TBXAS1: variants seen among roughly 807,000 people sequenced by gnomAD.
The protein encoded by TBXAS1 is thromboxane-A synthase.
Under a neutral mutation model 60.7 loss-of-function variants are expected in TBXAS1, and 48 were observed. That is an observed-to-expected ratio of 0.79 (90% CI 0.63 to 1.01). TBXAS1 has a LOEUF of 1.01. Ranked by LOEUF, TBXAS1 falls within the 50% of genes least tolerant of loss-of-function variation. The pLI, the probability that TBXAS1 is intolerant of heterozygous loss-of-function variation, is 0.00. For missense variants in TBXAS1, 685 were observed against 686.3 expected (o/e 1.00, Z 0.02); for synonymous variants, 287 against 269.7 (o/e 1.06, Z -0.63).
chr7:139,786,944 G>A (rs1320559015), intron 3 of TBXAS1, among the ~76,000 whole-genome samples: 1 of 152,160 alleles, frequency 6.6e-6, no homozygotes, highest in Non-Finnish European at 1.5e-5. Context: ...AAGTAAACTG[G>A]CTTTGGAACC....
chr7:139,835,225 C>A (rs1798983300), intron 1 of TBXAS1, among the ~76,000 whole-genome samples: 1 of 152,078 alleles, frequency 6.6e-6, no homozygotes, highest in Non-Finnish European at 1.5e-5. Flanking sequence ...CGCCACCACG[C>A]TGGCTAATTT....
At chr7:139,859,154 C>T (rs540161142) in intron 1 of TBXAS1, among the ~76,000 whole-genome samples, 58 of 151,386 alleles carry the variant, frequency 3.8e-4, no homozygotes, top group African/African-American at 1.2e-3. Context: ...GGATTACAGG[C>T]GTGAGCCACC....
chr7:139,848,806 G>A (rs756539200), intron 1 of TBXAS1, among the ~76,000 whole-genome samples: 11 of 152,138 alleles, frequency 7.2e-5, no homozygotes, highest in Non-Finnish European at 1.2e-4. Flanking sequence ...CCACTGTAGC[G>A]GGAGGCACTG....
intron 3 of TBXAS1, among the ~76,000 whole-genome samples, chr7:139,882,487 C>G (rs1244978763): frequency 6.6e-6 from 1 of 152,120 alleles, no homozygotes; most frequent in African/African-American, 2.4e-5. Context: ...AAGAGCTTCC[C>G]AGACACTGAT....
At chr7:139,858,305 G>C (rs1394957274) in intron 1 of TBXAS1, among the ~76,000 whole-genome samples, 2 of 152,128 alleles carry the variant, frequency 1.3e-5, no homozygotes, top group African/African-American at 4.8e-5. Flanking sequence ...CTGGGGATGG[G>C]TCCTTCTTGG....
intron 4 of TBXAS1, among the ~76,000 whole-genome samples, chr7:139,823,407 A>G (rs989146177): frequency 2.0e-5 from 3 of 152,006 alleles, no homozygotes; most frequent in Admixed American, 2.0e-4. Context: ...AGTCCTCCTA[A>G]CCTGATCTCC....
intron 3 of TBXAS1, among the ~76,000 whole-genome samples, chr7:139,910,519 C>T (rs1255822322): frequency 6.6e-6 from 1 of 152,118 alleles, no homozygotes; most frequent in Non-Finnish European, 1.5e-5. Context: ...CGCCTGTAAT[C>T]CCAGCTACTC....
chr7:139,781,074 T>C lies in TBXAS1; in HGVS notation c.-233+250T>C, dbSNP rs183757466. On this transcript the variant is annotated intron_variant, in intron 2 of 16. Coordinates refer to the TBXAS1 transcript ENST00000336425. ...TCTTGGGCAAGGAAATAGAGTCCCA[T>C]GGAAGGGGAACAAGATGGAGCCATA... Among the ~76,000 whole-genome samples, 4 of 152,352 alleles carry C rather than the reference T, an allele frequency of 2.6e-5. No individual in the cohort carries two copies. The East Asian group carries it at 7.7e-4, about 29-fold the overall frequency.
chr7:139,805,731 T>TC (rs1491303783), intron 4 of TBXAS1, among the ~76,000 whole-genome samples: 5,390 of 82,970 alleles, frequency 0.065, 356 homozygotes, highest in East Asian at 0.13. Context: ...TCTCTCTCTC[T>TC]TTCTTTCTTT....
At position 139,875,594 on chromosome 7, in the gene TBXAS1, G is replaced by C; in HGVS notation, c.193G>C (p.Glu65Gln). The C allele has an allele frequency of 6.2e-7, 1 of 1,614,136 alleles. No homozygotes were observed. The highest frequency in any genetic ancestry group is 1.3e-5 in the African/African-American group (1 of 75,016). Residue 65 changes from glutamate to glutamine, a missense_variant, in exon 3 of 13, where the codon GAA (glutamate) becomes CAA (glutamine). Glu to Gln is a conservative substitution (Grantham distance 29). Transcript: ENST00000448866. The part of the protein sequence containing the change: ...NLTFFRQGFW[E>Q]SQMELRKLYG... ...GCTGTGTTTCCTTCAGGGTTTTTGGGAAAGCCAAATGGAGCTCAGAAAGCT... is the reference window on the plus strand; with the variant it reads ...GCTGTGTTTCCTTCAGGGTTTTTGGCAAAGCCAAATGGAGCTCAGAAAGCT...
chr7:139,959,417 T>C (rs1810147661), intron 8 of TBXAS1, among the ~76,000 whole-genome samples: 2 of 152,168 alleles, frequency 1.3e-5, no homozygotes, highest in African/African-American at 4.8e-5. Flanking sequence ...TCTATCAGGG[T>C]GCGTATTTTC....
upstream of TBXAS1, among the ~76,000 whole-genome samples, chr7:139,825,397 C>T (rs1391039043): frequency 1.3e-5 from 2 of 152,148 alleles, no homozygotes; most frequent in Admixed American, 6.5e-5. Context: ...CTCCACTCTG[C>T]GCAGCCACAG....
At chr7:139,784,102 A>T (rs1797097275) in intron 3 of TBXAS1, among the ~76,000 whole-genome samples, 1 of 146,004 alleles carries the variant, frequency 6.8e-6, no homozygotes. Flanking sequence ...TTTGTTTTCA[A>T]TACTCCTAGC....
At chr7:139,850,640 C>T (rs370243223) in intron 1 of TBXAS1, among the ~76,000 whole-genome samples, 9 of 152,224 alleles carry the variant, frequency 5.9e-5, no homozygotes, top group African/African-American at 1.4e-4. Flanking sequence ...GTCTTTACAG[C>T]GGTAATCAAG....
At chr7:140,006,846 A>G (rs1349173167) in intron 9 of TBXAS1, among the ~76,000 whole-genome samples, 1 of 152,172 alleles carries the variant, frequency 6.6e-6, no homozygotes, top group Non-Finnish European at 1.5e-5. Flanking sequence ...CTGCAGTTTT[A>G]TAACCAAACT....
chr7:139,920,820 C>A (rs1025752423), intron 4 of TBXAS1, among the ~76,000 whole-genome samples: 1 of 152,196 alleles, frequency 6.6e-6, no homozygotes, highest in African/African-American at 2.4e-5. Context: ...TGAGACCAGG[C>A]ACTGCTCCCA....
intron 3 of TBXAS1, among the ~76,000 whole-genome samples, chr7:139,910,816 C>T (rs1805459398): frequency 6.6e-6 from 1 of 152,188 alleles, no homozygotes; most frequent in Admixed American, 6.5e-5. Flanking sequence ...TGCTAGAATT[C>T]CTATCTTTCC....
At chr7:139,938,052 T>C (rs1282191152) in intron 5 of TBXAS1, among the ~76,000 whole-genome samples, 1 of 152,124 alleles carries the variant, frequency 6.6e-6, no homozygotes, top group East Asian at 1.9e-4. Context: ...GGTAAAGCTG[T>C]TTGAAAAATA....
At chr7:139,973,991 A>G (rs1013722596) in intron 9 of TBXAS1, among the ~76,000 whole-genome samples, 1 of 152,218 alleles carries the variant, frequency 6.6e-6, no homozygotes, top group Non-Finnish European at 1.5e-5. Context: ...AAGAGAATCA[A>G]CTTCCCTCTG....
Sources: gnomAD v4.1 joint callset for allele counts (sites outside exome capture counted in the v4.1 genomes callset) on GRCh38, gnomAD v4.1.1 for gene constraint, MANE v1.5 for transcripts, NCBI Gene and HGNC (gene_info 2026-07-23, HGNC 2026-07-21) for gene names.